Variants in SNTG1 observed in about 807,000 individuals in gnomAD.
SNTG1 encodes syntrophin gamma 1.
SNTG1 carries 39 observed loss-of-function variants against 74.7 expected under a neutral mutation model. The observed-to-expected ratio is 0.52, with a 90% CI of 0.40 to 0.68. SNTG1 has a LOEUF of 0.68. SNTG1 is among the 30% of genes least tolerant of loss of function. The probability of loss-of-function intolerance (pLI) is 0.00; values close to 1 mark genes in which losing one functional copy is unlikely to be tolerated. For missense variants in SNTG1, 685 were observed against 609.5 expected, an observed-to-expected ratio of 1.12 and a Z score of -1.30; for synonymous variants, 254 against 217.1, an observed-to-expected ratio of 1.17 and a Z score of -1.49.
At chr8:50,259,614 CT>C (rs1454860612) in intron 2 of SNTG1, among the ~76,000 whole-genome samples, 1 of 150,298 alleles carries the variant, frequency 6.7e-6, no homozygotes, top group African/African-American at 2.4e-5. Flanking sequence ...TAAACAAAAA[CT>C]GAATTTGTTC....
chr8:50,545,310 C>A (rs1002221829), intron 11 of SNTG1, among the ~76,000 whole-genome samples: 6 of 151,210 alleles, frequency 4.0e-5, no homozygotes, highest in African/African-American at 1.2e-4. Context: ...ATATAAATAT[C>A]TGCTTTAAAT....
intron 4 of SNTG1, among the ~76,000 whole-genome samples, chr8:50,406,600 T>A (rs1489485428): frequency 6.6e-6 from 1 of 152,164 alleles, no homozygotes; most frequent in African/African-American, 2.4e-5. Flanking sequence ...AGCAGGCATT[T>A]TTTTTCTTAT....
intron 1 of SNTG1, among the ~76,000 whole-genome samples, chr8:49,975,396 C>A (rs1812098524): frequency 1.3e-5 from 2 of 152,096 alleles, no homozygotes. Flanking sequence ...TGATATGATA[C>A]AAAGCTATTC....
At chr8:50,289,883 T>A (rs2130542050) in intron 2 of SNTG1, among the ~76,000 whole-genome samples, 1 of 152,238 alleles carries the variant, frequency 6.6e-6, no homozygotes, top group East Asian at 1.9e-4. Flanking sequence ...TTTCCCCTTT[T>A]ATAGCAAGGG....
At chr8:50,374,446 A>G (rs1458913585) in intron 2 of SNTG1, among the ~76,000 whole-genome samples, 1 of 152,190 alleles carries the variant, frequency 6.6e-6, no homozygotes, top group Non-Finnish European at 1.5e-5. Context: ...TCTCCCTTGC[A>G]GGTTGTAATG....
intron 13 of SNTG1, among the ~76,000 whole-genome samples, chr8:50,594,620 A>G (rs2094714759): frequency 6.6e-6 from 1 of 152,186 alleles, no homozygotes; most frequent in Non-Finnish European, 1.5e-5. Flanking sequence ...AGCTGGAATT[A>G]AAAGTGACTA....
chr8:50,571,509 G>A (rs1380667714), intron 12 of SNTG1, among the ~76,000 whole-genome samples: 2 of 152,358 alleles, frequency 1.3e-5, no homozygotes, highest in East Asian at 3.9e-4. Flanking sequence ...ACTTAATGAA[G>A]CAGTGCTTCA....
Position 50,547,065 on chromosome 8 carries a change from G to A in SNTG1, c.681-5985G>A, listed in dbSNP as rs536720268. 2.6e-5 allele frequency among the ~76,000 whole-genome samples: 4 copies of A among 152,238 alleles called. No homozygotes were observed. The East Asian group carries it at 5.8e-4, about 22-fold the overall frequency. On this transcript the variant is annotated intron_variant, in intron 11 of 18. Coordinates refer to ENST00000642720, the MANE Select transcript of SNTG1 (RefSeq NM_018967.5). ...CCCAAAGTTCTGGGATTACAGGCAT[G>A]AGCCACCATGCCCGGCAGAGAAGGA...
At chr8:50,130,407 G>A (rs945210819) in intron 1 of SNTG1, among the ~76,000 whole-genome samples, 4 of 151,982 alleles carry the variant, frequency 2.6e-5, no homozygotes, top group African/African-American at 7.2e-5. Context: ...AGAGAAATAC[G>A]AAGAAATGTA....
At chr8:50,659,172 T>C (rs888432673) in intron 15 of SNTG1, among the ~76,000 whole-genome samples, 4 of 152,174 alleles carry the variant, frequency 2.6e-5, no homozygotes, top group Non-Finnish European at 4.4e-5. Flanking sequence ...GAACATTCGA[T>C]TGTCATATAT....
rs571989566 is a variant in SNTG1, at chr8:50,119,006, A to G, written c.-102-53555A>G. On this transcript the variant is annotated intron_variant, in intron 1 of 18. Transcript: ENST00000642720. ...CGGCAGGATGCACTGGCTCACAGAA[A>G]CTAATGAAGCTTTGGCCCTCCAAAC... Among the ~76,000 whole-genome samples the G allele has an allele frequency of 1.4e-5, 2 of 141,032 alleles. 1 individual carries two copies. The highest frequency in any genetic ancestry group is 5.1e-5 in the African/African-American group (2 of 39,070). The allele number at this position is 141,032 out of a possible 152,430, so 92.5% of individuals were successfully genotyped here. A position where few individuals can be genotyped will look rare whatever the true frequency, so the allele number is the denominator to read the frequency against.
chr8:50,715,672 A>C (rs1309255212), intron 17 of SNTG1, among the ~76,000 whole-genome samples: 1 of 152,122 alleles, frequency 6.6e-6, no homozygotes, highest in Non-Finnish European at 1.5e-5. Context: ...CATTAAAAGC[A>C]TTGTTATGGA....
chr8:50,560,748 A>G (rs1164560241), intron 12 of SNTG1, among the ~76,000 whole-genome samples: 1 of 152,088 alleles, frequency 6.6e-6, no homozygotes, highest in Non-Finnish European at 1.5e-5. Context: ...ATCAAGAAGA[A>G]CAGCTAATGG....
intron 12 of SNTG1, among the ~76,000 whole-genome samples, chr8:50,565,112 A>T (rs1348437414): frequency 6.6e-6 from 1 of 152,062 alleles, no homozygotes; most frequent in Non-Finnish European, 1.5e-5. Context: ...AAGATAGTGG[A>T]CAATCCCAAC....
chr8:50,214,709 A>G (rs1312469276), intron 2 of SNTG1, among the ~76,000 whole-genome samples: 1 of 152,134 alleles, frequency 6.6e-6, no homozygotes, highest in Non-Finnish European at 1.5e-5. Flanking sequence ...ATCTCTAATA[A>G]CAGTGTTATT....
intron 2 of SNTG1, among the ~76,000 whole-genome samples, chr8:50,352,752 A>T (rs1381481297): frequency 1.3e-5 from 2 of 152,188 alleles, no homozygotes; most frequent in Non-Finnish European, 2.9e-5. Flanking sequence ...TTTCAGAAGC[A>T]GTTGAAATTC....
intron 12 of SNTG1, among the ~76,000 whole-genome samples, chr8:50,556,535 C>T (rs1047996166): frequency 1.3e-5 from 2 of 152,108 alleles, no homozygotes; most frequent in African/African-American, 4.8e-5. Flanking sequence ...CATTATTTCA[C>T]CAGCTATATG....
At chr8:50,492,220 G>C (rs551712926) in intron 8 of SNTG1, among the ~76,000 whole-genome samples, 27 of 152,310 alleles carry the variant, frequency 1.8e-4, no homozygotes, top group Non-Finnish European at 3.4e-4. Context: ...CTTTATGGTA[G>C]AATAATTTAT....
chr8:50,483,701 ATGT>A (rs1293458948), intron 8 of SNTG1, among the ~76,000 whole-genome samples: 3 of 152,216 alleles, frequency 2.0e-5, no homozygotes, highest in East Asian at 3.9e-4. Flanking sequence ...TCTTAGTTAC[ATGT>A]TGTGCAAACA....
Sources: allele counts gnomAD v4.1 joint callset (sites outside exome capture counted in the v4.1 genomes callset), GRCh38; gene constraint gnomAD v4.1.1; transcripts MANE v1.5; gene names NCBI Gene and HGNC (gene_info 2026-07-23, HGNC 2026-07-21).